Variants in SH2D3C observed in about 807,000 individuals in gnomAD.
SH2D3C encodes SH2 domain containing 3C, also known as SH2 domain-containing protein 3C.
SH2D3C carries 25 observed loss-of-function variants against 75.2 expected under a neutral mutation model. The ratio of observed to expected loss-of-function variants is 0.33; its 90% CI spans 0.24 to 0.46. The LOEUF (loss-of-function observed/expected upper bound fraction) is 0.46, where lower values mean the gene tolerates loss of function less well. SH2D3C is among the 20% of genes least tolerant of loss of function. The probability of loss-of-function intolerance (pLI) is 1.00; values close to 1 mark genes in which losing one functional copy is unlikely to be tolerated. For missense variants in SH2D3C, 933 were observed against 1,165.3 expected, an observed-to-expected ratio of 0.80 and a Z score of 2.90; for synonymous variants, 450 against 473.7, an observed-to-expected ratio of 0.95 and a Z score of 0.65.
At chr9:127,757,103 ATTT>A (rs1169901282) in intron 3 of SH2D3C, among the ~76,000 whole-genome samples, 1,507 of 122,650 alleles carry the variant, frequency 0.012, 34 homozygotes, top group African/African-American at 0.042. Context: ...TGCTTGGCTA[ATTT>A]TTTTTTTTTT....
chr9:127,744,619 A>G lies in SH2D3C; in HGVS notation c.1745T>C (p.Leu582Pro). 3.7e-6 allele frequency: 6 copies of G among 1,613,214 alleles called. No individual in the cohort carries two copies. The highest frequency in any genetic ancestry group is 5.1e-6 in the Non-Finnish European group (6 of 1,179,172). The change falls in exon 7 of 12, where the codon CTG (leucine) becomes CCG (proline). Residue 582 changes from leucine to proline, a missense_variant. By Grantham distance (98) the Leu-to-Pro change is moderately conservative. Transcript: ENST00000314830. ...CAGCGTCCGGGCATCCACTTCTGCCAGCAGCTCCTTGACCTTGCGCAGAAG... is the reference window on the plus strand; with the variant it reads ...CAGCGTCCGGGCATCCACTTCTGCCGGCAGCTCCTTGACCTTGCGCAGAAG... The part of the protein sequence containing the change: ...VGLLRKVKEL[L>P]AEVDARTLAR...
chr9:127,740,467 T>C, intron 9 of SH2D3C, 98 bp from the exon 10 acceptor site: 1 of 766,056 alleles, frequency 1.3e-6, no homozygotes, highest in Non-Finnish European at 2.2e-6. Flanking sequence ...GGATCGTTAT[T>C]ATTATTATGG....
At chr9:127,766,919 G>C in intron 2 of SH2D3C, 1 of 1,532,014 alleles carries the variant, frequency 6.5e-7, no homozygotes, top group Non-Finnish European at 8.7e-7. Context: ...GAGAAGCAAC[G>C]GGCACCTGCC....
chr9:127,776,888 C>T (rs753859040), intron 1 of SH2D3C, among the ~76,000 whole-genome samples: 3 of 152,228 alleles, frequency 2.0e-5, no homozygotes, highest in Non-Finnish European at 2.9e-5. Flanking sequence ...CAAATGTGGC[C>T]GCTCTGCTGC....
At chr9:127,775,785 G>C (rs1041214620) in intron 1 of SH2D3C, among the ~76,000 whole-genome samples, 2 of 151,940 alleles carry the variant, frequency 1.3e-5, no homozygotes, top group Non-Finnish European at 2.9e-5. Context: ...ACTCCAGCCT[G>C]AGCAACAGGG....
At chr9:127,750,771 GA>G (rs1393894348) in intron 4 of SH2D3C, among the ~76,000 whole-genome samples, 1 of 152,184 alleles carries the variant, frequency 6.6e-6, no homozygotes, top group Non-Finnish European at 1.5e-5. Context: ...CCTCAGCCAA[GA>G]AACTCAACTT....
chr9:127,743,967 A>G (rs1205830231), intron 7 of SH2D3C, among the ~76,000 whole-genome samples: 1 of 151,994 alleles, frequency 6.6e-6, no homozygotes, highest in Non-Finnish European at 1.5e-5. Flanking sequence ...GGCACACTAG[A>G]GAAGTGTCCC....
chr9:127,766,862 C>G, intron 2 of SH2D3C: 4 of 1,433,274 alleles, frequency 2.8e-6, no homozygotes, highest in Non-Finnish European at 3.7e-6. Context: ...GAGCCCTGTG[C>G]CCAGCTTCTT....
intron 2 of SH2D3C, among the ~76,000 whole-genome samples, chr9:127,767,775 T>C (rs1173690268): frequency 2.6e-5 from 4 of 152,228 alleles, no homozygotes; most frequent in Non-Finnish European, 4.4e-5. Flanking sequence ...AGTGACTCTA[T>C]GAAGCAGGTG....
rs369584668 is a variant in SH2D3C at position 127,750,006 on chromosome 9, C to T, written c.685-341G>A. On this transcript the variant is annotated intron_variant, in intron 4 of 11. Transcript: ENST00000314830. Reference sequence around the variant, plus strand: ...TCAGACCCATCCCTTCTCAGGGTTCCGGTTGGGCAGAGTGAATTCCTAATC... The same window carrying T: ...TCAGACCCATCCCTTCTCAGGGTTCTGGTTGGGCAGAGTGAATTCCTAATC... 9.2e-5 allele frequency among the ~76,000 whole-genome samples: 14 copies of T among 152,182 alleles called. 1 individual carries two copies. The highest frequency in any genetic ancestry group is 6.2e-4 in the South Asian group (3 of 4,822).
At chr9:127,762,552 GC>G in intron 2 of SH2D3C, 1 of 399,966 alleles carries the variant, frequency 2.5e-6, no homozygotes. Context: ...GGTCCTTTGT[GC>G]CCCGTCTTCC....
chr9:127,773,652 A>G lies in SH2D3C; in HGVS notation c.515+338T>C, dbSNP rs566439262. Among the ~76,000 whole-genome samples the G allele has an allele frequency of 5.9e-5, 9 of 152,156 alleles. 1 individual carries two copies. The South Asian group carries it at 1.9e-3, about 32-fold the overall frequency. ...TTTAACCCAGATGTGTACTGGGTTAAAAAGAAGCCCCGGCCAGCACTTTGG... is the reference window on the plus strand; with the variant it reads ...TTTAACCCAGATGTGTACTGGGTTAGAAAGAAGCCCCGGCCAGCACTTTGG... On this transcript the variant is annotated intron_variant, in intron 2 of 11. Coordinates refer to ENST00000314830, the MANE Select transcript of SH2D3C (RefSeq NM_170600.3).
In SH2D3C at chr9:127,767,175, C is replaced by T. The variant is rs886583484; in HGVS notation, c.516-5525G>A. ...GTGTCCAGCAGGAGCTCAGGACGGG[C>T]GACAGCCTTGTGAGGAGAAGGCAGA... On this transcript the variant is annotated intron_variant, in intron 2 of 11. Transcript: ENST00000314830. 11 of 1,534,502 alleles carry T rather than the reference C, an allele frequency of 7.2e-6. No homozygotes were observed. In the East Asian group the frequency reaches 7.3e-5, roughly 10 times the overall value.
chr9:127,770,168 A>C (rs994401313), intron 2 of SH2D3C, among the ~76,000 whole-genome samples: 9 of 152,030 alleles, frequency 5.9e-5, no homozygotes, highest in African/African-American at 2.2e-4. Context: ...GGGGAGCTAA[A>C]GGTCCCTCCT....
At chr9:127,760,740 A>G (rs1165073887) in intron 3 of SH2D3C, among the ~76,000 whole-genome samples, 1 of 152,180 alleles carries the variant, frequency 6.6e-6, no homozygotes, top group African/African-American at 2.4e-5. Context: ...AATACCTCTC[A>G]TGTAAAGAAT....
intron 3 of SH2D3C, among the ~76,000 whole-genome samples, chr9:127,756,721 T>A (rs1845389766): frequency 6.8e-6 from 1 of 146,100 alleles, no homozygotes; most frequent in Non-Finnish European, 1.5e-5. Flanking sequence ...CTCGGCTCAA[T>A]GTAAGCTCCG....
rs764439822 is a variant in SH2D3C at position 127,749,225 on chromosome 9, A to G, written c.1125T>C (p.Asp375=). Reference sequence around the variant, plus strand: ...CCCTGGCTGACCTGGTGGGGCAGCCATCGCTGCGGGTGACCTTGTCAGCAG... The same window carrying G: ...CCCTGGCTGACCTGGTGGGGCAGCCGTCGCTGCGGGTGACCTTGTCAGCAG... ...GLTADKVTRS[D]GCPTSTSLPR... Residue 375 remains aspartate (D), a synonymous_variant, in exon 5 of 12, where the codon GAT becomes GAC. Transcript: ENST00000314830. The surrounding 1 kb of genome is among the most constrained non-coding windows in gnomAD (Gnocchi z 5.9). 103 of 1,558,426 alleles carry G rather than the reference A, an allele frequency of 6.6e-5. No individual in the cohort carries two copies. Among genetic ancestry groups the G allele is most frequent in the Non-Finnish European group, 2.6e-5 (30 of 1,150,106 alleles).
Position 127,761,643 on chromosome 9 carries a change from C to T in SH2D3C, c.523G>A (p.Gly175Arg). Residue 175 changes from glycine (G) to arginine (R), a missense_variant, in exon 3 of 12, where the codon GGA (glycine) becomes AGA (arginine). Coordinates refer to ENST00000314830, the MANE Select transcript of SH2D3C (RefSeq NM_170600.3). ...TAGTCGCTGCCAGCCTCTGGCTCTCCAGCAGCCCTGGAAGGAGAAAAGACA... is the reference window on the plus strand; with the variant it reads ...TAGTCGCTGCCAGCCTCTGGCTCTCTAGCAGCCCTGGAAGGAGAAAAGACA... ...PRDVHSERAA[G>R]EPEAGSDYVK... 2 of 1,612,228 alleles carry T rather than the reference C, an allele frequency of 1.2e-6. No homozygotes were observed. Among genetic ancestry groups the T allele is most frequent in the Admixed American group, 1.7e-5 (1 of 59,852 alleles).
chr9:127,771,144 T>G (rs1208503836), intron 2 of SH2D3C: 4 of 1,476,630 alleles, frequency 2.7e-6, no homozygotes, highest in Non-Finnish European at 3.6e-6. Context: ...CGACCTCTCC[T>G]GCTCCCCGCT....
Sources: gnomAD v4.1 joint callset for allele counts (sites outside exome capture counted in the v4.1 genomes callset) on GRCh38, gnomAD v4.1.1 for gene constraint, Gnocchi (gnomAD v3.1) non-coding constraint, MANE v1.5 for transcripts, NCBI Gene and HGNC (gene_info 2026-07-23, HGNC 2026-07-21) for gene names.